Variants in KCNH8 observed in about 807,000 individuals in gnomAD.
KCNH8 encodes potassium voltage-gated channel subfamily H member 8, also known as voltage-gated delayed rectifier potassium channel KCNH8.
Under a neutral mutation model 103.6 loss-of-function variants are expected in KCNH8, and 70 were observed. The observed-to-expected ratio is 0.68, with a 90% confidence interval of 0.56 to 0.82. The LOEUF is 0.82. Ranked by LOEUF, KCNH8 falls within the 40% of genes least tolerant of loss-of-function variation. The pLI is 0.00. For synonymous variants in KCNH8, 498 were observed against 489.4 expected (o/e 1.02, Z -0.23); for missense variants, 1,217 against 1,329.9 (o/e 0.92, Z 1.32).
chr3:19,337,180 G>A (rs1020940214), intron 3 of KCNH8, among the ~76,000 whole-genome samples: 2 of 151,988 alleles, frequency 1.3e-5, no homozygotes, highest in Non-Finnish European at 2.9e-5. Flanking sequence ...TGTGAATTTG[G>A]ACAAGTACAC....
intron 12 of KCNH8, 139 bp downstream of exon 12, chr3:19,510,540 A>G: frequency 3.0e-6 from 2 of 658,168 alleles, no homozygotes; most frequent in East Asian, 5.5e-5. Flanking sequence ...AGATGTGGCA[A>G]CTGACTTGCT....
At chr3:19,408,256 A>G (rs1575029393) in intron 7 of KCNH8, among the ~76,000 whole-genome samples, 1 of 151,960 alleles carries the variant, frequency 6.6e-6, no homozygotes, top group African/African-American at 2.4e-5. Context: ...AAGCCAAAAG[A>G]CCCTCCTCAT....
chr3:19,404,450 T>C (rs1178435181), intron 7 of KCNH8, among the ~76,000 whole-genome samples: 2 of 152,012 alleles, frequency 1.3e-5, no homozygotes, highest in African/African-American at 4.8e-5. Context: ...GATAGTTTGC[T>C]GACCATTCAT....
At chr3:19,285,117 G>A (rs981969597) in intron 3 of KCNH8, among the ~76,000 whole-genome samples, 5 of 150,504 alleles carry the variant, frequency 3.3e-5, no homozygotes, top group African/African-American at 1.2e-4. Context: ...CTCAGCAGGG[G>A]GCTTTAATTT....
At chr3:19,507,938 G>A (rs890528300) in intron 11 of KCNH8, among the ~76,000 whole-genome samples, 1 of 152,182 alleles carries the variant, frequency 6.6e-6, no homozygotes, top group Non-Finnish European at 1.5e-5. Flanking sequence ...ATATTCCTCT[G>A]ATGACTAATC....
chr3:19,406,964 T>C (rs1282876288), intron 7 of KCNH8, among the ~76,000 whole-genome samples: 1 of 152,164 alleles, frequency 6.6e-6, no homozygotes, highest in Non-Finnish European at 1.5e-5. Context: ...GAACAACAGC[T>C]CTTTTAGTAG....
chr3:19,253,464 C>T (rs1002043332), intron 1 of KCNH8, among the ~76,000 whole-genome samples, 190 bp from the exon 2 acceptor site: 2 of 151,884 alleles, frequency 1.3e-5, no homozygotes, highest in Non-Finnish European at 2.9e-5. Flanking sequence ...AAGCCTAAGT[C>T]AGAACTTAAT....
chr3:19,489,322 G>A (rs2068272209), intron 11 of KCNH8, among the ~76,000 whole-genome samples: 2 of 152,024 alleles, frequency 1.3e-5, no homozygotes, highest in African/African-American at 2.4e-5. Flanking sequence ...CCCTCGGTGG[G>A]TGGAGCGAGA....
intron 11 of KCNH8, among the ~76,000 whole-genome samples, chr3:19,493,934 T>C (rs1034501422): frequency 2.6e-5 from 4 of 152,176 alleles, no homozygotes; most frequent in Non-Finnish European, 5.9e-5. Flanking sequence ...TTTTGGTATG[T>C]AGATTATTTC....
At chr3:19,390,389 C>T in intron 5 of KCNH8, 92 bp from the exon 6 acceptor site, 7 of 927,300 alleles carry the variant, frequency 7.5e-6, no homozygotes, top group East Asian at 2.5e-5. Flanking sequence ...GCCTGTCTCC[C>T]TTCCTTTCTT....
chr3:19,497,320 C>G (rs907517266), intron 11 of KCNH8, among the ~76,000 whole-genome samples: 7 of 151,998 alleles, frequency 4.6e-5, no homozygotes, highest in Non-Finnish European at 1.0e-4. Flanking sequence ...TTCTCTAGTT[C>G]CTCTAGTTGT....
intron 1 of KCNH8, among the ~76,000 whole-genome samples, chr3:19,155,896 A>G (rs1392053976): frequency 6.6e-6 from 1 of 152,108 alleles, no homozygotes; most frequent in African/African-American, 2.4e-5. Context: ...AGCCTTAACT[A>G]TGTCATTACT....
chr3:19,450,423 A>G lies in KCNH8; in HGVS notation c.1575+118A>G, dbSNP rs953670939. ...CATACCAACTTCTTTATTCCTTTAC[A>G]TTTTTAATTATTCATGAATCCCAAT... On this transcript the variant is annotated intron_variant, in intron 9 of 15. Coordinates refer to ENST00000328405, the MANE Select transcript of KCNH8 (RefSeq NM_144633.3). The G allele has an allele frequency of 5.3e-6, 4 of 760,192 alleles. No individual in the cohort carries two copies. In the Admixed American group the frequency reaches 8.8e-5, roughly 17 times the overall value. 47.1% of individuals were successfully genotyped at this position (760,192 alleles called of 1,614,324 possible).
At chr3:19,257,123 T>C (rs538476115) in intron 2 of KCNH8, among the ~76,000 whole-genome samples, 1 of 152,150 alleles carries the variant, frequency 6.6e-6, no homozygotes, top group East Asian at 1.9e-4. Context: ...TTTTAAAAAA[T>C]ATGCTTATGA....
At chr3:19,409,203 G>A (rs2066738682) in intron 7 of KCNH8, among the ~76,000 whole-genome samples, 1 of 152,114 alleles carries the variant, frequency 6.6e-6, no homozygotes, top group Non-Finnish European at 1.5e-5. Flanking sequence ...AAGAGAGATT[G>A]GGAGCCTATC....
At chr3:19,515,160 A>T (rs2068852749) in intron 13 of KCNH8, among the ~76,000 whole-genome samples, 162 bp from the exon 14 acceptor site, 1 of 151,548 alleles carries the variant, frequency 6.6e-6, no homozygotes, top group East Asian at 1.9e-4. Context: ...CCACATTTCA[A>T]GTACTCAATA....
intron 1 of KCNH8, among the ~76,000 whole-genome samples, chr3:19,233,760 C>T (rs2064024439): frequency 6.6e-6 from 1 of 152,130 alleles, no homozygotes; most frequent in Non-Finnish European, 1.5e-5. Context: ...TTCTTGGTCT[C>T]ACTGACTTCA....
intron 3 of KCNH8, among the ~76,000 whole-genome samples, chr3:19,287,572 T>TTTGTTGTTGTTGTTG (rs113159230): frequency 2.7e-5 from 4 of 150,668 alleles, no homozygotes; most frequent in African/African-American, 7.3e-5. Context: ...CAGTCCACTT[T>TTTGTTGTTGTTGTTG]TTGTTGTTGT....
chr3:19,284,498 T>C (rs1458464349), intron 3 of KCNH8, among the ~76,000 whole-genome samples: 1 of 147,702 alleles, frequency 6.8e-6, no homozygotes, highest in Non-Finnish European at 1.5e-5. Flanking sequence ...TTTCAGCTGG[T>C]GGATCTGCTG....
Sources: allele counts gnomAD v4.1 joint callset (sites outside exome capture counted in the v4.1 genomes callset), GRCh38; gene constraint gnomAD v4.1.1; transcripts MANE v1.5; gene names NCBI Gene and HGNC (gene_info 2026-07-23, HGNC 2026-07-21).